The following OTOG variants were observed in gnomAD, a reference collection of about 807,000 sequenced individuals.
OTOG encodes otogelin.
A neutral mutation model predicts 313.8 loss-of-function variants in OTOG; 296 were observed. That is an observed-to-expected ratio of 0.94 (90% confidence interval 0.86 to 1.04). OTOG has a LOEUF of 1.04. Ranked by LOEUF, OTOG falls within the 50% of genes least tolerant of loss-of-function variation. The probability of loss-of-function intolerance (pLI) is 0.00; values close to 1 mark genes in which losing one functional copy is unlikely to be tolerated. For synonymous variants in OTOG, 1,533 were observed against 1,554.9 expected (o/e 0.99, Z 0.33); for missense variants, 3,948 against 3,840.1 (o/e 1.03, Z -0.74).
chr11:17,559,279 G>A, intron 11 of OTOG, 118 bp downstream of exon 11: 1 of 987,466 alleles, frequency 1.0e-6, no homozygotes. Context: ...TCAGCCCCGA[G>A]GTTTTATCGC....
chr11:17,606,962 C>A (rs1429047013), intron 33 of OTOG, among the ~76,000 whole-genome samples: 1 of 152,170 alleles, frequency 6.6e-6, no homozygotes, highest in Non-Finnish European at 1.5e-5. Context: ...GTATTTGTGT[C>A]CCTCTCCGGA....
intron 14 of OTOG, 122 bp from the exon 15 acceptor site, chr11:17,561,540 A>T (rs1159980888): frequency 9.3e-7 from 1 of 1,069,744 alleles, no homozygotes; most frequent in Non-Finnish European, 1.4e-6. Flanking sequence ...GCCAGGCCTC[A>T]TTCCTTATAC....
At position 17,610,915 on chromosome 11, in the gene OTOG, C is replaced by T. The variant is rs573802754; in HGVS notation, c.5615C>T (p.Thr1872Ile). 93 of 1,550,412 alleles carry T rather than the reference C, an allele frequency of 6.0e-5. No homozygotes were observed. The highest frequency in any genetic ancestry group is 8.2e-5 in the African/African-American group (6 of 73,048). ...PTHIAPPAAG[T>I]APGLLLGATL... ...CACATAGCACCCCCAGCAGCAGGCA[C>T]AGCTCCAGGCCTGCTGCTGGGAGCC... The change falls in exon 36 of 56, where the codon ACA becomes ATA. Residue 1872 changes from threonine to isoleucine, a missense_variant. Transcript: ENST00000399397.
At chr11:17,633,170 T>C (rs1408000355) in intron 42 of OTOG, among the ~76,000 whole-genome samples, 1 of 152,230 alleles carries the variant, frequency 6.6e-6, no homozygotes. Flanking sequence ...CCTCAAAAAC[T>C]CCCAAAGGAT....
At position 17,605,865 on chromosome 11, in the gene OTOG, G is replaced by A. The variant is rs986057645; in HGVS notation, c.3886G>A (p.Val1296Met). ...CATGTGGTTCTCTGCAGACCCAGAT[G>A]TGGTGTCCCTGGAGGCAGCAGACAG... ...LYKAKAHDPD[V>M]VSLEAADRPN... The change falls in exon 33 of 56, where the codon GTG (valine) becomes ATG (methionine). Residue 1296 changes from valine to methionine, a missense_variant. Transcript: ENST00000399397. The A allele has an allele frequency of 4.5e-6, 7 of 1,543,396 alleles. No homozygotes were observed. The highest frequency in any genetic ancestry group is 5.3e-6 in the Non-Finnish European group (6 of 1,142,208).
rs368514929 is a variant in OTOG at position 17,576,124 on chromosome 11, G to A, written c.2487-432G>A. 9.2e-5 allele frequency among the ~76,000 whole-genome samples: 14 copies of A among 152,380 alleles called. 1 individual carries two copies. The highest frequency in any genetic ancestry group is 3.4e-4 in the African/African-American group (14 of 41,596). On this transcript the variant is annotated intron_variant, in intron 20 of 55. Coordinates refer to ENST00000399397, the MANE Select transcript of OTOG (RefSeq NM_001292063.2). ...GAGGTCAATGTACTTAACAACCAGT[G>A]CAGCACAGGCACTGAGCAATTGGAA...
At chr11:17,574,947 G>C (rs1336256491) in intron 20 of OTOG, 35 bp downstream of exon 20, 1 of 1,465,616 alleles carries the variant, frequency 6.8e-7, no homozygotes, top group South Asian at 1.4e-5. Context: ...AGTTGGGTGG[G>C]AAGGTGAGGC....
chr11:17,570,895 G>A (rs1193919657), intron 17 of OTOG, among the ~76,000 whole-genome samples: 1 of 152,140 alleles, frequency 6.6e-6, no homozygotes, highest in Non-Finnish European at 1.5e-5. Context: ...TAACCCTTGT[G>A]CCTTTCCTAC....
At chr11:17,598,073 C>G (rs11024336) in intron 30 of OTOG, among the ~76,000 whole-genome samples, 1 of 152,140 alleles carries the variant, frequency 6.6e-6, no homozygotes. Flanking sequence ...GCAGGCAAGA[C>G]GCCAAAGGAA....
chr11:17,581,301 C>T (rs1852660098), intron 23 of OTOG, among the ~76,000 whole-genome samples: 1 of 152,116 alleles, frequency 6.6e-6, no homozygotes. Context: ...CCAGCCCCAT[C>T]CAGCAGGAGA....
At chr11:17,568,725 C>T (rs1440441606) in intron 15 of OTOG, among the ~76,000 whole-genome samples, 1 of 152,158 alleles carries the variant, frequency 6.6e-6, no homozygotes, top group East Asian at 1.9e-4. Context: ...AGAATATTAC[C>T]TCATTTCCTG....
chr11:17,575,220 T>C (rs942319316), intron 20 of OTOG, among the ~76,000 whole-genome samples: 2 of 152,268 alleles, frequency 1.3e-5, no homozygotes, highest in South Asian at 2.1e-4. Context: ...CTTTCTGGTA[T>C]GTTCCAGACA....
At chr11:17,624,404 T>C (rs1221815655) in intron 39 of OTOG, among the ~76,000 whole-genome samples, 2 of 152,222 alleles carry the variant, frequency 1.3e-5, no homozygotes, top group African/African-American at 4.8e-5. Flanking sequence ...ATCTATTGAA[T>C]AGAGAGTACT....
chr11:17,594,158 G>T lies in OTOG; in HGVS notation c.3400G>T (p.Ala1134Ser), dbSNP rs184364246. 6.4e-7 allele frequency: 1 copy of T among 1,550,644 alleles called. No individual in the cohort carries two copies. Among genetic ancestry groups the T allele is most frequent in the Admixed American group, 2.0e-5 (1 of 51,006 alleles). ...NPQEFGSSWA[A>S]VECPDTLDPR... ...CCAGGAGTTTGGCAGCAGTTGGGCTGCAGTTGAGGTAAAGCCTCTCTTCCA... is the reference window on the plus strand; with the variant it reads ...CCAGGAGTTTGGCAGCAGTTGGGCTTCAGTTGAGGTAAAGCCTCTCTTCCA... The change falls in exon 28 of 56, where the codon GCA becomes TCA. Residue 1134 changes from alanine (A) to serine (S), a missense_variant. Transcript: ENST00000399397.
At chr11:17,603,956 A>G (rs996173263) in intron 32 of OTOG, among the ~76,000 whole-genome samples, 1 of 152,134 alleles carries the variant, frequency 6.6e-6, no homozygotes, top group Non-Finnish European at 1.5e-5. Context: ...ATGTGCCGGC[A>G]CTGTTCTAAG....
At chr11:17,581,852 C>G (rs528092301) in intron 23 of OTOG, among the ~76,000 whole-genome samples, 1 of 152,312 alleles carries the variant, frequency 6.6e-6, no homozygotes, top group South Asian at 2.1e-4. Flanking sequence ...GTTCCGCCCC[C>G]ACCAGCATTG....
At chr11:17,627,343 T>C (rs568340125) in intron 39 of OTOG, among the ~76,000 whole-genome samples, 4 of 152,212 alleles carry the variant, frequency 2.6e-5, no homozygotes, top group Non-Finnish European at 5.9e-5. Context: ...TGTTGAATTT[T>C]ATTGAATGCA....
intron 23 of OTOG, among the ~76,000 whole-genome samples, chr11:17,585,951 C>T (rs1852784485): frequency 6.6e-6 from 1 of 152,212 alleles, no homozygotes; most frequent in African/African-American, 2.4e-5. Context: ...CAGGCTGTAT[C>T]CTGTTGATGC....
chr11:17,596,134 T>G lies in OTOG; in HGVS notation c.3505T>G (p.Phe1169Val). The G allele has an allele frequency of 6.5e-7, 1 of 1,550,338 alleles. No homozygotes were observed. The highest frequency in any genetic ancestry group is 1.2e-5 in the South Asian group (1 of 84,032). Reference sequence around the variant, plus strand: ...GTGCAGCATCCTGCTCAGTGAGGTGTTTGAGATCTGCCACCCTGTGGTGAG... The same window carrying G: ...GTGCAGCATCCTGCTCAGTGAGGTGGTTGAGATCTGCCACCCTGTGGTGAG... The part of the protein sequence containing the change: ...KECSILLSEV[F>V]EICHPVVDVT... The change falls in exon 29 of 56, where the codon TTT becomes GTT. Residue 1169 changes from phenylalanine (F) to valine (V), a missense_variant. Phe to Val is a conservative substitution (Grantham distance 50, BLOSUM62 -1). Coordinates refer to ENST00000399397, the MANE Select transcript of OTOG (RefSeq NM_001292063.2).
Sources: gnomAD v4.1 joint callset for allele counts (sites outside exome capture counted in the v4.1 genomes callset) on GRCh38, gnomAD v4.1.1 for gene constraint, MANE v1.5 for transcripts, NCBI Gene and HGNC (gene_info 2026-07-23, HGNC 2026-07-21) for gene names.